SMYD3: variants seen among roughly 807,000 people sequenced by gnomAD.
SMYD3 encodes the protein histone-lysine N-methyltransferase SMYD3.
SMYD3 carries 36 observed loss-of-function variants against 57.7 expected under a neutral mutation model. The ratio of observed to expected loss-of-function variants is 0.62; its 90% CI spans 0.48 to 0.82. SMYD3 has a LOEUF of 0.82. Ranked by LOEUF, SMYD3 falls within the 40% of genes least tolerant of loss-of-function variation. The pLI is 0.00. For missense variants in SMYD3, 515 were observed against 538.8 expected (o/e 0.96, Z 0.44); for synonymous variants, 211 against 195.0 (o/e 1.08, Z -0.68).
intron 1 of SMYD3, among the ~76,000 whole-genome samples, chr1:246,426,357 A>G (rs112574539): frequency 0.017 from 2,602 of 152,274 alleles, 35 homozygotes; most frequent in Non-Finnish European, 0.026. Context: ...ATTTTAGAAC[A>G]GTTTCATCAC....
intron 5 of SMYD3, among the ~76,000 whole-genome samples, chr1:246,002,283 C>G (rs978408763): frequency 2.4e-5 from 3 of 125,998 alleles, no homozygotes; most frequent in East Asian, 2.2e-4. Flanking sequence ...CTCCCGGGTT[C>G]ACGCCATTCT....
intron 5 of SMYD3, among the ~76,000 whole-genome samples, chr1:246,309,566 C>T (rs1242113088): frequency 6.6e-6 from 1 of 152,052 alleles, no homozygotes; most frequent in Non-Finnish European, 1.5e-5. Flanking sequence ...TGTGGTCAAT[C>T]AAAAAAATCT....
intron 4 of SMYD3, among the ~76,000 whole-genome samples, chr1:246,329,038 G>T (rs2065412111): frequency 6.6e-6 from 1 of 152,132 alleles, no homozygotes; most frequent in Non-Finnish European, 1.5e-5. Flanking sequence ...TTTTATGGAT[G>T]CATAGTATTC....
At chr1:245,914,934 CA>C (rs2055290211) in intron 8 of SMYD3, among the ~76,000 whole-genome samples, 1 of 151,968 alleles carries the variant, frequency 6.6e-6, no homozygotes, top group Admixed American at 6.6e-5. Flanking sequence ...CAGCGGTTAT[CA>C]GGGGTTGGGG....
Position 246,232,017 on chromosome 1 carries a change from A to G in SMYD3, c.531+95184T>C, listed in dbSNP as rs528414506. The stretch of plus-strand genomic sequence containing the variant: ...GACCACAGTCCAGGAGAAGCGCAGC[A>G]TTTATTCTCTTATTGCAGCACTTTG... On this transcript the variant is annotated intron_variant, in intron 5 of 11. Coordinates refer to ENST00000490107, the MANE Select transcript of SMYD3 (RefSeq NM_001167740.2). Among the ~76,000 whole-genome samples the G allele has an allele frequency of 5.9e-5, 9 of 152,318 alleles. 1 individual carries two copies. Among genetic ancestry groups the G allele is most frequent in the African/African-American group, 1.9e-4 (8 of 41,576 alleles).
At chr1:246,076,527 T>TC (rs2060550105) in intron 5 of SMYD3, among the ~76,000 whole-genome samples, 2 of 152,208 alleles carry the variant, frequency 1.3e-5, no homozygotes, top group African/African-American at 2.4e-5. Context: ...GACTTAACTA[T>TC]ATAGTCAATC....
intron 10 of SMYD3, among the ~76,000 whole-genome samples, chr1:245,830,546 T>C (rs2049775183): frequency 6.6e-6 from 1 of 152,192 alleles, no homozygotes; most frequent in South Asian, 2.1e-4. Flanking sequence ...AGTGTGTGGG[T>C]AGGCAACTGG....
At chr1:246,194,535 G>A (rs932756995) in intron 5 of SMYD3, among the ~76,000 whole-genome samples, 1 of 152,182 alleles carries the variant, frequency 6.6e-6, no homozygotes, top group African/African-American at 2.4e-5. Context: ...CGAAAGTGCT[G>A]GGATTACAGG....
intron 11 of SMYD3, among the ~76,000 whole-genome samples, chr1:245,760,900 G>A (rs1011985185): frequency 6.6e-6 from 1 of 152,036 alleles, no homozygotes; most frequent in African/African-American, 2.4e-5. Flanking sequence ...CTTGAGATTG[G>A]CAAGCACACT....
intron 5 of SMYD3, among the ~76,000 whole-genome samples, chr1:245,993,713 A>C (rs1014991600): frequency 6.6e-6 from 1 of 152,198 alleles, no homozygotes; most frequent in Non-Finnish European, 1.5e-5. Context: ...AAACTTATAA[A>C]GACAGAGGGA....
intron 5 of SMYD3, among the ~76,000 whole-genome samples, chr1:245,984,932 G>T (rs952300236): frequency 1.5e-4 from 23 of 151,882 alleles, no homozygotes; most frequent in African/African-American, 5.6e-4. Context: ...TAATCTATTT[G>T]CCCTCTCAAC....
At chr1:246,331,244 TCA>T (rs71710146) in intron 3 of SMYD3, among the ~76,000 whole-genome samples, 2,494 of 152,320 alleles carry the variant, frequency 0.016, 63 homozygotes, top group East Asian at 0.084. Context: ...CAGCAAGATT[TCA>T]CAGAGTTTAC....
intron 1 of SMYD3, among the ~76,000 whole-genome samples, chr1:246,384,138 A>T (rs2066432414): frequency 6.6e-6 from 1 of 152,168 alleles, no homozygotes; most frequent in Non-Finnish European, 1.5e-5. Flanking sequence ...AGAAAATAAA[A>T]TGCAACTATT....
intron 3 of SMYD3, among the ~76,000 whole-genome samples, chr1:246,333,607 C>T (rs1460871545): frequency 6.6e-6 from 1 of 152,072 alleles, no homozygotes; most frequent in Non-Finnish European, 1.5e-5. Context: ...CACAGTGGCT[C>T]GCACCTATAT....
chr1:246,195,815 G>T (rs956843596), intron 5 of SMYD3, among the ~76,000 whole-genome samples: 1 of 152,170 alleles, frequency 6.6e-6, no homozygotes, highest in African/African-American at 2.4e-5. Flanking sequence ...TCAACCGGAG[G>T]TTAGGAAGCC....
At chr1:246,395,518 C>T (rs576632123) in intron 1 of SMYD3, among the ~76,000 whole-genome samples, 15 of 152,266 alleles carry the variant, frequency 9.9e-5, no homozygotes, top group African/African-American at 2.4e-4. Flanking sequence ...CTGGCTGTTA[C>T]GTGCCTCTCA....
chr1:246,282,135 A>G (rs1347223860), intron 5 of SMYD3, among the ~76,000 whole-genome samples: 1 of 151,960 alleles, frequency 6.6e-6, no homozygotes, highest in Non-Finnish European at 1.5e-5. Context: ...AGTAGGAAAG[A>G]CAGAAGATCA....
chr1:246,240,644 T>A (rs1200383672), intron 5 of SMYD3, among the ~76,000 whole-genome samples: 1 of 152,208 alleles, frequency 6.6e-6, no homozygotes, highest in East Asian at 1.9e-4. Context: ...ATTGGTAGCT[T>A]GATGGCAATA....
intron 10 of SMYD3, among the ~76,000 whole-genome samples, chr1:245,831,156 C>T (rs982493146): frequency 2.6e-5 from 4 of 152,200 alleles, no homozygotes; most frequent in Non-Finnish European, 5.9e-5. Flanking sequence ...GCCTCACCCT[C>T]AGTTATTCTT....
Sources: gnomAD v4.1 joint callset for allele counts (sites outside exome capture counted in the v4.1 genomes callset) on GRCh38, gnomAD v4.1.1 for gene constraint, MANE v1.5 for transcripts, NCBI Gene and HGNC (gene_info 2026-07-23, HGNC 2026-07-21) for gene names.